Variants in CACNB2 observed in about 807,000 individuals in gnomAD.
The protein encoded by CACNB2 is calcium voltage-gated channel auxiliary subunit beta 2, also known as voltage-dependent L-type calcium channel subunit beta-2.
A neutral mutation model predicts 73.3 loss-of-function variants in CACNB2; 42 were observed. The observed-to-expected ratio is 0.57, with a 90% confidence interval of 0.45 to 0.74. CACNB2 has a LOEUF of 0.74. CACNB2 is among the 30% of genes least tolerant of loss of function. The pLI is 0.00. For synonymous variants in CACNB2, 348 were observed against 310.3 expected, an observed-to-expected ratio of 1.12 and a Z score of -1.28; for missense variants, 940 against 853.0, an observed-to-expected ratio of 1.10 and a Z score of -1.27.
chr10:18,327,448 G>A (rs141170874), intron 2 of CACNB2, among the ~76,000 whole-genome samples: 136 of 152,026 alleles, frequency 8.9e-4, no homozygotes, highest in African/African-American at 3.1e-3. Flanking sequence ...GTTTTGAGAC[G>A]GAGTCTCCCT....
chr10:18,297,778 C>T (rs1045296611), intron 2 of CACNB2, among the ~76,000 whole-genome samples: 2 of 152,152 alleles, frequency 1.3e-5, no homozygotes, highest in African/African-American at 4.8e-5. Flanking sequence ...GCTGTGATAA[C>T]AACTCTAGTT....
At chr10:18,158,269 G>C (rs2032202689) in intron 2 of CACNB2, among the ~76,000 whole-genome samples, 1 of 152,138 alleles carries the variant, frequency 6.6e-6, no homozygotes, top group African/African-American at 2.4e-5. Context: ...ACCTCATTTA[G>C]AAATTGCTTT....
chr10:18,183,639 C>T (rs2034001510), intron 2 of CACNB2, among the ~76,000 whole-genome samples: 1 of 152,204 alleles, frequency 6.6e-6, no homozygotes, highest in South Asian at 2.1e-4. Context: ...TGGGAAAAAC[C>T]CACCCCCATG....
intron 2 of CACNB2, among the ~76,000 whole-genome samples, chr10:18,216,085 CAGG>C (rs2035499302): frequency 6.6e-6 from 1 of 151,444 alleles, no homozygotes. Context: ...CACCTAAGGT[CAGG>C]AGTTTGAGAC....
At chr10:18,526,492 C>T (rs189044071) in intron 9 of CACNB2, among the ~76,000 whole-genome samples, 1 of 152,174 alleles carries the variant, frequency 6.6e-6, no homozygotes, top group Non-Finnish European at 1.5e-5. Flanking sequence ...CTGAAACAGA[C>T]TTTTGAACCA....
At chr10:18,486,539 A>G (rs2049068473) in intron 3 of CACNB2, among the ~76,000 whole-genome samples, 1 of 152,202 alleles carries the variant, frequency 6.6e-6, no homozygotes, top group South Asian at 2.1e-4. Flanking sequence ...CTGTGGAGCA[A>G]ATAGAGTTTC....
At chr10:18,266,654 C>A (rs58090855) in intron 2 of CACNB2, among the ~76,000 whole-genome samples, 1 of 151,902 alleles carries the variant, frequency 6.6e-6, no homozygotes, top group Non-Finnish European at 1.5e-5. Context: ...TTTGCTAGGC[C>A]GAGATGAGCA....
At chr10:18,392,109 A>G (rs1017915014) in intron 2 of CACNB2, among the ~76,000 whole-genome samples, 6 of 152,122 alleles carry the variant, frequency 3.9e-5, no homozygotes, top group African/African-American at 1.4e-4. Context: ...TTAGAAGGGT[A>G]GAAATCTAGG....
Position 18,275,502 on chromosome 10 carries a change from G to A in CACNB2, c.213+124527G>A, listed in dbSNP as rs977225209. Among the ~76,000 whole-genome samples the A allele has an allele frequency of 3.9e-5, 6 of 152,244 alleles. No individual in the cohort carries two copies. In the South Asian group the frequency reaches 1.2e-3, roughly 32 times the overall value. ...TCAGGAAGAATAGCTAGTGGATGCT[G>A]GGCTTAATACCTAGGTGATGGGATG... is the stretch of plus-strand genomic sequence containing the variant. On this transcript the variant is annotated intron_variant, in intron 2 of 13. Transcript: ENST00000324631.
chr10:18,329,886 G>A (rs2040732982), intron 2 of CACNB2, among the ~76,000 whole-genome samples: 1 of 152,114 alleles, frequency 6.6e-6, no homozygotes, highest in African/African-American at 2.4e-5. Flanking sequence ...GTCCCAGGCT[G>A]GAGTGCAGTG....
chr10:18,157,000 G>A (rs113923460), intron 2 of CACNB2, among the ~76,000 whole-genome samples: 2,881 of 150,898 alleles, frequency 0.019, 103 homozygotes, highest in African/African-American at 0.066. Flanking sequence ...CCGAGATTGC[G>A]CCATTGCACT....
chr10:18,381,081 A>G (rs148127409), intron 2 of CACNB2, among the ~76,000 whole-genome samples: 248 of 151,812 alleles, frequency 1.6e-3, no homozygotes, highest in African/African-American at 5.8e-3. Flanking sequence ...AGATGGACAG[A>G]GCTGTGGATA....
intron 2 of CACNB2, among the ~76,000 whole-genome samples, chr10:18,336,517 G>A (rs959893840): frequency 4.6e-5 from 7 of 152,144 alleles, no homozygotes; most frequent in African/African-American, 1.7e-4. Context: ...TACTCGAGAG[G>A]CTGAGGCATA....
At chr10:18,393,219 A>G (rs12261017) in intron 2 of CACNB2, among the ~76,000 whole-genome samples, 5,030 of 151,838 alleles carry the variant, frequency 0.033, 307 homozygotes, top group African/African-American at 0.11. Context: ...AAATCATGTC[A>G]TCTGTCATCA....
At chr10:18,317,351 A>G (rs956828104) in intron 2 of CACNB2, among the ~76,000 whole-genome samples, 4 of 152,080 alleles carry the variant, frequency 2.6e-5, no homozygotes, top group African/African-American at 7.2e-5. Context: ...TTGCCCAAGT[A>G]GTGAACAAAG....
At chr10:18,212,081 A>G (rs1056789219) in intron 2 of CACNB2, among the ~76,000 whole-genome samples, 4 of 152,174 alleles carry the variant, frequency 2.6e-5, no homozygotes, top group Admixed American at 2.0e-4. Context: ...ATAGATTGAT[A>G]TCTCAGGCAC....
chr10:18,443,000 GTATATATATATATGTA>G (rs2046537158), intron 3 of CACNB2, among the ~76,000 whole-genome samples: 2 of 3,790 alleles, frequency 5.3e-4, no homozygotes, highest in African/African-American at 1.9e-3. Context: ...ATATATATGT[GTATATATATATATGTA>G]TATATATATA....
chr10:18,525,632 C>CGT (rs1051475890), intron 9 of CACNB2, among the ~76,000 whole-genome samples: 2 of 152,032 alleles, frequency 1.3e-5, no homozygotes, highest in African/African-American at 4.8e-5. Flanking sequence ...TATTTCAACC[C>CGT]GTGTGCCGGA....
chr10:18,301,629 ACTAAG>A (rs2039513630), intron 2 of CACNB2, among the ~76,000 whole-genome samples: 1 of 146,874 alleles, frequency 6.8e-6, no homozygotes, highest in African/African-American at 2.5e-5. Context: ...AGGTAAATCC[ACTAAG>A]CCTTTCTCTC....
Sources: gnomAD v4.1 joint callset for allele counts (sites outside exome capture counted in the v4.1 genomes callset) on GRCh38, gnomAD v4.1.1 for gene constraint, MANE v1.5 for transcripts, NCBI Gene and HGNC (gene_info 2026-07-23, HGNC 2026-07-21) for gene names.